The following NAV1 variants were observed in gnomAD, a reference collection of about 807,000 sequenced individuals.
The protein encoded by NAV1 is neuron navigator 1.
NAV1 carries 18 observed loss-of-function variants against 175.2 expected under a neutral mutation model. The observed-to-expected ratio is 0.10, with a 90% CI of 0.07 to 0.15. The LOEUF (loss-of-function observed/expected upper bound fraction) is 0.15. Among genes scored for constraint, NAV1 ranks in the 10% least tolerant of loss-of-function variants. The pLI is 1.00. For synonymous variants in NAV1, 897 were observed against 978.7 expected (o/e 0.92, Z 1.56); for missense variants, 1,731 against 2,436.6 (o/e 0.71, Z 6.10).
At chr1:201,581,576 C>T (rs996254012) in intron 1 of NAV1, among the ~76,000 whole-genome samples, 2 of 152,074 alleles carry the variant, frequency 1.3e-5, no homozygotes, top group African/African-American at 4.8e-5. Flanking sequence ...TGCCTATAAT[C>T]CCAGCACTTT....
At chr1:201,684,996 G>A (rs181152925) in intron 1 of NAV1, among the ~76,000 whole-genome samples, 2 of 148,436 alleles carry the variant, frequency 1.3e-5, no homozygotes, top group Non-Finnish European at 3.0e-5. Context: ...CCCAGTTCTG[G>A]CCGGGCGCGG....
intron 2 of NAV1, among the ~76,000 whole-genome samples, chr1:201,639,595 C>A (rs908669370): frequency 6.6e-6 from 1 of 152,182 alleles, no homozygotes; most frequent in Non-Finnish European, 1.5e-5. Context: ...ACCTCCCTAG[C>A]CCCCTGACTT....
At chr1:201,744,345 T>TTC (rs1673636181) in intron 3 of NAV1, among the ~76,000 whole-genome samples, 2 of 138,320 alleles carry the variant, frequency 1.4e-5, no homozygotes, top group African/African-American at 5.4e-5. Context: ...TTTATTTATT[T>TTC]ATTCATTCAT....
In NAV1 at chr1:201,740,158, C is replaced by G; in HGVS notation, c.1226+21403C>G. 1 of 1,136,620 alleles carries G rather than the reference C, an allele frequency of 8.8e-7. No homozygotes were observed. Among genetic ancestry groups the G allele is most frequent in the Non-Finnish European group, 1.2e-6 (1 of 830,890 alleles). 70.4% of individuals were successfully genotyped at this position (1,136,620 alleles called of 1,614,324 possible). The stretch of plus-strand genomic sequence containing the variant: ...TGTGGCACCCCCAGCCCCGCCGCAG[C>G]CCCCCAGTTCCGCCGCAGCTGCAGT... On this transcript the variant is annotated intron_variant, in intron 3 of 29. Coordinates refer to ENST00000367296, the Ensembl canonical transcript of NAV1. This position sits in a 1 kb window ranked among gnomAD's most constrained non-coding sequence, Gnocchi z 4.7.
intron 1 of NAV1, among the ~76,000 whole-genome samples, chr1:201,661,740 G>A (rs997921650): frequency 2.6e-5 from 4 of 152,120 alleles, no homozygotes; most frequent in African/African-American, 9.7e-5. Context: ...TTCAGGGAAC[G>A]ACTTCCCTTT....
At chr1:201,546,751 A>T (rs1425841539) in intron 1 of NAV1, among the ~76,000 whole-genome samples, 2 of 151,704 alleles carry the variant, frequency 1.3e-5, no homozygotes, top group African/African-American at 4.8e-5. Flanking sequence ...TAAAAATACA[A>T]AAATTAGCTG....
chr1:201,785,271 T>G (rs1676649723), intron 7 of NAV1, 39 bp from the exon 12 acceptor site: 46 of 1,496,196 alleles, frequency 3.1e-5, no homozygotes, highest in Non-Finnish European at 4.0e-5. Flanking sequence ...CACATGCTTC[T>G]CTCTCTCTCT....
chr1:201,561,455 G>T (rs1406121699), intron 1 of NAV1, among the ~76,000 whole-genome samples: 2 of 151,820 alleles, frequency 1.3e-5, no homozygotes, highest in Non-Finnish European at 2.9e-5. Flanking sequence ...CTTACTAGCT[G>T]GGTAACTAAC....
At chr1:201,708,720 G>T (rs1049217258) in intron 1 of NAV1, among the ~76,000 whole-genome samples, 1 of 152,150 alleles carries the variant, frequency 6.6e-6, no homozygotes, top group African/African-American at 2.4e-5. Flanking sequence ...GGAAGGGGAT[G>T]GGCTACCAAG....
chr1:201,619,297 A>G (rs563014089), upstream of NAV1, among the ~76,000 whole-genome samples: 1 of 152,218 alleles, frequency 6.6e-6, no homozygotes, highest in Non-Finnish European at 1.5e-5. Flanking sequence ...GACTGGGGGA[A>G]GTCTGAGTCA....
intron 1 of NAV1, among the ~76,000 whole-genome samples, chr1:201,628,946 G>T (rs1314374384): frequency 6.6e-6 from 1 of 152,170 alleles, no homozygotes; most frequent in African/African-American, 2.4e-5. Flanking sequence ...CCCAAAGCCT[G>T]TGTGCCCCCT....
At chr1:201,639,767 C>A (rs1381905816) in intron 2 of NAV1, among the ~76,000 whole-genome samples, 2 of 152,208 alleles carry the variant, frequency 1.3e-5, no homozygotes, top group Non-Finnish European at 2.9e-5. Context: ...GAAGGGAGAG[C>A]CTGTGCCCCG....
At chr1:201,826,516 G>A (rs370574415) in exon 30 of NAV1, 2 of 152,298 alleles carry the variant, frequency 1.3e-5, no homozygotes, top group South Asian at 2.1e-4. Flanking sequence ...ATGTGACAGA[G>A]TCCGTGTTTC....
chr1:201,661,695 A>T (rs1049491822), intron 1 of NAV1, among the ~76,000 whole-genome samples: 1 of 152,150 alleles, frequency 6.6e-6, no homozygotes, highest in Non-Finnish European at 1.5e-5. Context: ...AGGCTGGCAC[A>T]TGGCTGGTTC....
At chr1:201,561,992 A>C (rs1382202735) in intron 1 of NAV1, among the ~76,000 whole-genome samples, 1 of 151,988 alleles carries the variant, frequency 6.6e-6, no homozygotes, top group Non-Finnish European at 1.5e-5. Context: ...TTTTTTATTT[A>C]TTTATTCCTA....
intron 1 of NAV1, among the ~76,000 whole-genome samples, chr1:201,542,132 G>C (rs1296884673): frequency 1.3e-5 from 2 of 152,178 alleles, no homozygotes; most frequent in Non-Finnish European, 2.9e-5. Flanking sequence ...ACACAACTGG[G>C]GTACTGCAGA....
At chr1:201,790,517 T>C (rs189403094) in intron 11 of NAV1, 37 bp from the exon 16 acceptor site, 1 of 1,613,224 alleles carries the variant, frequency 6.2e-7, no homozygotes, top group East Asian at 2.2e-5. Flanking sequence ...CTACTTCCTT[T>C]CTCTCTCTTT....
intron 1 of NAV1, among the ~76,000 whole-genome samples, chr1:201,544,107 G>A (rs1008559516): frequency 1.4e-4 from 22 of 152,170 alleles, no homozygotes; most frequent in African/African-American, 4.8e-4. Flanking sequence ...CTCCATCTTG[G>A]TTGCACATTA....
In NAV1 at chr1:201,539,352, C is replaced by A. The variant is rs1037140300; in HGVS notation, c.-144+10C>A. Among the ~76,000 whole-genome samples the A allele has an allele frequency of 3.9e-5, 6 of 151,966 alleles. No homozygotes were observed. The highest frequency in any genetic ancestry group is 3.3e-4 in the Admixed American group (5 of 15,252). The stretch of plus-strand genomic sequence containing the variant: ...GCGGGCAGGCGCTCCGGTGAGTGGC[C>A]GGCGCGGGGCGGTCGCGCGGTCGCG... On this transcript the variant is annotated intron_variant, in intron 1 of 33. Coordinates refer to the NAV1 transcript ENST00000685211. The surrounding 1 kb of genome is among the most constrained non-coding windows in gnomAD (Gnocchi z 5.6).
Sources: gnomAD v4.1 joint callset for allele counts (sites outside exome capture counted in the v4.1 genomes callset) on GRCh38, gnomAD v4.1.1 for gene constraint, Gnocchi (gnomAD v3.1) non-coding constraint, MANE v1.5 for transcripts, NCBI Gene and HGNC (gene_info 2026-07-23, HGNC 2026-07-21) for gene names.